RPS6KC1: variants seen among roughly 807,000 people sequenced by gnomAD.
RPS6KC1 encodes inactive ribosomal protein S6 kinase delta-1.
RPS6KC1 carries 54 observed loss-of-function variants against 103.8 expected under a neutral mutation model. That is an observed-to-expected ratio of 0.52 (90% CI 0.42 to 0.65). RPS6KC1 has a LOEUF of 0.65. Among genes scored for constraint, RPS6KC1 ranks in the 30% least tolerant of loss-of-function variants. RPS6KC1 has a pLI of 0.00. For missense variants in RPS6KC1, 1,151 were observed against 1,253.8 expected (o/e 0.92, Z 1.24); for synonymous variants, 439 against 438.7 (o/e 1.00, Z -0.01).
At chr1:213,120,556 C>G (rs1013638828) in intron 5 of RPS6KC1, among the ~76,000 whole-genome samples, 3 of 151,978 alleles carry the variant, frequency 2.0e-5, no homozygotes, top group Admixed American at 6.6e-5. Flanking sequence ...CAGCCAAGCC[C>G]CACAGGTACG....
the RPS6KC1 span, among the ~76,000 whole-genome samples, chr1:213,809,577 T>C: frequency 2.0e-5 from 3 of 152,172 alleles, no homozygotes; most frequent in Admixed American, 2.0e-4. Flanking sequence ...ATGTATAATC[T>C]AGTTGGCCAA....
chr1:213,081,417 A>C (rs2079870901), intron 3 of RPS6KC1, among the ~76,000 whole-genome samples: 1 of 152,158 alleles, frequency 6.6e-6, no homozygotes, highest in South Asian at 2.1e-4. Flanking sequence ...AGTGAGAACC[A>C]GCAAGCCACT....
At chr1:213,778,474 G>C in the RPS6KC1 span, among the ~76,000 whole-genome samples, 1,828 of 152,034 alleles carry the variant, frequency 0.012, 51 homozygotes, top group African/African-American at 0.042. Flanking sequence ...TTCCTTTCGG[G>C]GGCTCTAAAA....
the RPS6KC1 span, among the ~76,000 whole-genome samples, chr1:213,418,911 G>A: frequency 1.5e-4 from 23 of 152,184 alleles, no homozygotes; most frequent in African/African-American, 5.1e-4. Flanking sequence ...TGCCAGGCCC[G>A]GCTCACCGGG....
rs74953495 is a variant in RPS6KC1 at position 213,242,737 on chromosome 1, G to A, written c.2911+79G>A. On this transcript the variant is annotated intron_variant, in intron 12 of 14. Transcript: ENST00000366960. ...ATTTCTTTATAGAAGTTGTATTTTTGTATTGTTCACTAGCAGTTTACATAT... is the reference window on the plus strand; with the variant it reads ...ATTTCTTTATAGAAGTTGTATTTTTATATTGTTCACTAGCAGTTTACATAT... 9.0e-4 allele frequency: 1,020 copies of A among 1,127,558 alleles called. 6 individuals carry two copies. In the African/African-American group the frequency reaches 0.011, roughly 12 times the overall value. 69.8% of individuals were successfully genotyped at this position (1,127,558 alleles called of 1,614,324 possible). A position where few individuals can be genotyped will look rare whatever the true frequency, so the allele number is the denominator to read the frequency against.
At chr1:213,582,782 A>T in the RPS6KC1 span, among the ~76,000 whole-genome samples, 1 of 152,186 alleles carries the variant, frequency 6.6e-6, no homozygotes, top group African/African-American at 2.4e-5. Context: ...ATTTATTTAC[A>T]ATAAAATACA....
At chr1:213,702,797 T>C in the RPS6KC1 span, among the ~76,000 whole-genome samples, 31 of 152,088 alleles carry the variant, frequency 2.0e-4, no homozygotes, top group African/African-American at 6.5e-4. Flanking sequence ...TCAGTATATG[T>C]GTGTCTTTAA....
At chr1:213,847,288 T>C in the RPS6KC1 span, among the ~76,000 whole-genome samples, 1 of 152,168 alleles carries the variant, frequency 6.6e-6, no homozygotes, top group Non-Finnish European at 1.5e-5. Flanking sequence ...AAAGGGTCCT[T>C]AATGGACACA....
At chr1:213,788,529 T>C in the RPS6KC1 span, among the ~76,000 whole-genome samples, 1 of 152,118 alleles carries the variant, frequency 6.6e-6, no homozygotes, top group Non-Finnish European at 1.5e-5. Flanking sequence ...ATTCCATTTC[T>C]TCCCCTGACT....
chr1:213,495,416 G>A, the RPS6KC1 span, among the ~76,000 whole-genome samples: 1 of 152,058 alleles, frequency 6.6e-6, no homozygotes, highest in Non-Finnish European at 1.5e-5. Context: ...CTGCCTCCCG[G>A]GTTCAAGCGA....
At chr1:213,311,438 G>A in the RPS6KC1 span, among the ~76,000 whole-genome samples, 4 of 152,148 alleles carry the variant, frequency 2.6e-5, no homozygotes, top group South Asian at 4.1e-4. Context: ...GTGCCTGGCC[G>A]GCAGTGCTCT....
chr1:213,211,987 C>T (rs890106767), intron 8 of RPS6KC1, among the ~76,000 whole-genome samples: 1 of 151,978 alleles, frequency 6.6e-6, no homozygotes, highest in Non-Finnish European at 1.5e-5. Flanking sequence ...TTCCATGTGC[C>T]CCCTTGACCC....
the RPS6KC1 span, among the ~76,000 whole-genome samples, chr1:213,525,622 C>T: frequency 1.3e-5 from 2 of 151,984 alleles, no homozygotes; most frequent in Non-Finnish European, 2.9e-5. Flanking sequence ...AAGAGAAATC[C>T]ACCAAGAAAA....
intron 6 of RPS6KC1, among the ~76,000 whole-genome samples, chr1:213,146,724 C>T (rs935105388): frequency 4.0e-5 from 6 of 150,970 alleles, no homozygotes; most frequent in Non-Finnish European, 7.4e-5. Context: ...TGTGCCCGGC[C>T]GTGGGATTGC....
chr1:213,402,989 A>G, the RPS6KC1 span, among the ~76,000 whole-genome samples: 2 of 145,890 alleles, frequency 1.4e-5, no homozygotes, highest in African/African-American at 5.0e-5. Flanking sequence ...TTAGCCAGGC[A>G]TGGTGGCAGG....
the RPS6KC1 span, among the ~76,000 whole-genome samples, chr1:213,487,025 C>T: frequency 1.3e-5 from 2 of 152,184 alleles, no homozygotes; most frequent in Non-Finnish European, 2.9e-5. Flanking sequence ...GCACCTTGAA[C>T]ACCTGAACAT....
At chr1:213,438,729 A>G in the RPS6KC1 span, among the ~76,000 whole-genome samples, 1 of 152,056 alleles carries the variant, frequency 6.6e-6, no homozygotes, top group African/African-American at 2.4e-5. Context: ...CTTCAACAAC[A>G]AAAGCTATTG....
At chr1:213,486,629 G>A in the RPS6KC1 span, among the ~76,000 whole-genome samples, 3 of 152,192 alleles carry the variant, frequency 2.0e-5, no homozygotes, top group African/African-American at 4.8e-5. Flanking sequence ...GCCTGGTGGT[G>A]TTGGGGACAG....
intron 3 of RPS6KC1, among the ~76,000 whole-genome samples, chr1:213,083,785 C>T (rs1378690981): frequency 6.6e-6 from 1 of 152,040 alleles, no homozygotes; most frequent in South Asian, 2.1e-4. Flanking sequence ...TTGTGAAGTC[C>T]CTTCCCACAC....
Sources: allele counts gnomAD v4.1 joint callset (sites outside exome capture counted in the v4.1 genomes callset), GRCh38; gene constraint gnomAD v4.1.1; transcripts MANE v1.5; gene names NCBI Gene and HGNC (gene_info 2026-07-23, HGNC 2026-07-21).